Variants in PTPRG observed in about 807,000 individuals in gnomAD.
PTPRG encodes the protein receptor-type tyrosine-protein phosphatase gamma.
Under a neutral mutation model 165.3 loss-of-function variants are expected in PTPRG, and 102 were observed. The observed-to-expected ratio is 0.62, with a 90% CI of 0.53 to 0.73. PTPRG has a LOEUF of 0.73. Among genes scored for constraint, PTPRG ranks in the 30% least tolerant of loss-of-function variants. The pLI is 0.00. For missense variants in PTPRG, 1,866 were observed against 1,861.4 expected, an observed-to-expected ratio of 1.00 and a Z score of -0.05; for synonymous variants, 675 against 669.5, an observed-to-expected ratio of 1.01 and a Z score of -0.13.
chr3:62,274,579 T>C (rs1702174779), intron 23 of PTPRG, among the ~76,000 whole-genome samples: 1 of 152,172 alleles, frequency 6.6e-6, no homozygotes. Context: ...GTTTCTCCCT[T>C]TGTATCAAGA....
At chr3:62,218,729 A>T (rs1700573946) in intron 12 of PTPRG, 122 bp from the exon 13 acceptor site, 7 of 1,285,558 alleles carry the variant, frequency 5.4e-6, no homozygotes, top group Non-Finnish European at 7.5e-6. Flanking sequence ...GTCATGGGGC[A>T]GCTCAGAGCA....
At chr3:62,108,191 C>A (rs1043810665) in intron 5 of PTPRG, among the ~76,000 whole-genome samples, 10 of 151,924 alleles carry the variant, frequency 6.6e-5, no homozygotes, top group African/African-American at 2.4e-4. Context: ...GTTATCCCTC[C>A]CCCAGCCCCC....
intron 2 of PTPRG, among the ~76,000 whole-genome samples, chr3:61,827,086 T>C (rs565396100): frequency 2.0e-5 from 3 of 152,230 alleles, no homozygotes; most frequent in East Asian, 3.9e-4. Flanking sequence ...TCTTTCAGAG[T>C]AAGGGCATGC....
At chr3:61,606,956 G>A (rs1701027040) in intron 1 of PTPRG, among the ~76,000 whole-genome samples, 1 of 152,154 alleles carries the variant, frequency 6.6e-6, no homozygotes, top group African/African-American at 2.4e-5. Context: ...CGTTCAGCTG[G>A]ACCAATAACT....
chr3:61,977,756 CTG>C (rs2040542687), intron 2 of PTPRG, among the ~76,000 whole-genome samples: 1 of 152,090 alleles, frequency 6.6e-6, no homozygotes, highest in Non-Finnish European at 1.5e-5. Flanking sequence ...TTTCCTCTCC[CTG>C]TGTTAATGTT....
At chr3:62,000,071 G>A (rs2041133885) in intron 3 of PTPRG, among the ~76,000 whole-genome samples, 5 of 152,064 alleles carry the variant, frequency 3.3e-5, no homozygotes, top group Admixed American at 3.3e-4. Context: ...GGGAGGCCAA[G>A]GTGGGTGAAT....
At chr3:62,101,162 G>T (rs928896499) in intron 5 of PTPRG, among the ~76,000 whole-genome samples, 3 of 152,150 alleles carry the variant, frequency 2.0e-5, no homozygotes, top group Non-Finnish European at 4.4e-5. Flanking sequence ...GTACGTAGGA[G>T]TTCATTACAC....
chr3:62,174,042 A>G (rs1705321974), intron 8 of PTPRG, among the ~76,000 whole-genome samples: 1 of 152,244 alleles, frequency 6.6e-6, no homozygotes, highest in Non-Finnish European at 1.5e-5. Context: ...TTCAAGGGAC[A>G]TCCGATTTGC....
chr3:62,216,433 C>G (rs1242672628), intron 12 of PTPRG, among the ~76,000 whole-genome samples: 1 of 152,068 alleles, frequency 6.6e-6, no homozygotes, highest in African/African-American at 2.4e-5. Context: ...CTCCTGTACC[C>G]AAGGGCTTCA....
chr3:61,886,229 G>A (rs1347288891), intron 2 of PTPRG, among the ~76,000 whole-genome samples: 1 of 152,082 alleles, frequency 6.6e-6, no homozygotes, highest in Non-Finnish European at 1.5e-5. Context: ...GTGGGTAAGT[G>A]GATTCAGGTG....
chr3:61,941,754 T>C (rs922605051), intron 2 of PTPRG, among the ~76,000 whole-genome samples: 1 of 152,240 alleles, frequency 6.6e-6, no homozygotes, highest in African/African-American at 2.4e-5. Context: ...AAACAGTTTT[T>C]TTCATTCTTA....
chr3:61,765,231 G>T (rs1005063759), intron 2 of PTPRG, among the ~76,000 whole-genome samples: 1 of 152,208 alleles, frequency 6.6e-6, no homozygotes, highest in Non-Finnish European at 1.5e-5. Flanking sequence ...GAAATGGAAA[G>T]CTTGGCAAGT....
intron 7 of PTPRG, among the ~76,000 whole-genome samples, chr3:62,163,965 C>A (rs1244278521): frequency 6.6e-6 from 1 of 152,180 alleles, no homozygotes; most frequent in African/African-American, 2.4e-5. Context: ...ATCATAAGGG[C>A]CCCACCATTA....
chr3:62,049,407 T>C (rs1700400234), intron 4 of PTPRG, among the ~76,000 whole-genome samples: 1 of 152,224 alleles, frequency 6.6e-6, no homozygotes, highest in South Asian at 2.1e-4. Context: ...GAAAATCTTA[T>C]TCTGTTAAAA....
At position 61,834,473 on chromosome 3, in the gene PTPRG, A is replaced by T. The variant is rs142517047; in HGVS notation, c.190+85491A>T. Among the ~76,000 whole-genome samples the T allele has an allele frequency of 2.8e-3, 425 of 152,196 alleles. 2 individuals are homozygous for T. Among genetic ancestry groups the T allele is most frequent in the Middle Eastern group, 0.014 (4 of 294 alleles). On this transcript the variant is annotated intron_variant, in intron 2 of 29. Coordinates refer to ENST00000474889, the MANE Select transcript of PTPRG (RefSeq NM_002841.4). ...CTGCTCAGGAGGCTGAGGTGGGAGG[A>T]TCGCTTGAGCCCAGGAGTTCAAGAC...
Position 62,229,794 on chromosome 3 carries a change from G to T in PTPRG, c.2289-1431G>T, listed in dbSNP as rs1392141510. 6.6e-6 allele frequency among the ~76,000 whole-genome samples: 1 copy of T among 152,202 alleles called. No individual in the cohort carries two copies. Among genetic ancestry groups the T allele is most frequent in the Non-Finnish European group, 1.5e-5 (1 of 68,034 alleles). On this transcript the variant is annotated intron_variant, in intron 13 of 29. Coordinates refer to ENST00000474889, the MANE Select transcript of PTPRG (RefSeq NM_002841.4). This position sits in a 1 kb window ranked among gnomAD's most constrained non-coding sequence, Gnocchi z 4.6. Reference sequence around the variant, plus strand: ...GCATTTGCTTCTCAGCAAAAGTGTTGTCAGTTTACGGGTGGTAGTTTTAAG... The same window carrying T: ...GCATTTGCTTCTCAGCAAAAGTGTTTTCAGTTTACGGGTGGTAGTTTTAAG...
chr3:62,007,491 C>T (rs1401133296), intron 4 of PTPRG, among the ~76,000 whole-genome samples: 1 of 152,170 alleles, frequency 6.6e-6, no homozygotes, highest in East Asian at 1.9e-4. Context: ...GGAGACTGAA[C>T]TCAATTTGGA....
At chr3:61,580,381 ATTTTTT>A (rs36020375) in intron 1 of PTPRG, among the ~76,000 whole-genome samples, 4 of 137,682 alleles carry the variant, frequency 2.9e-5, no homozygotes, top group African/African-American at 1.1e-4. Context: ...CTCTATTCTG[ATTTTTT>A]TTTTTTTTTT....
intron 2 of PTPRG, among the ~76,000 whole-genome samples, chr3:61,820,763 T>C (rs1003606765): frequency 6.6e-6 from 1 of 152,058 alleles, no homozygotes; most frequent in African/African-American, 2.4e-5. Context: ...CAGCTAGCTA[T>C]AGCATTCATC....
Sources: allele counts gnomAD v4.1 joint callset (sites outside exome capture counted in the v4.1 genomes callset), GRCh38; gene constraint gnomAD v4.1.1; non-coding constraint Gnocchi (gnomAD v3.1); transcripts MANE v1.5; gene names NCBI Gene and HGNC (gene_info 2026-07-23, HGNC 2026-07-21).